NLK: variants seen among roughly 807,000 people sequenced by gnomAD.
NLK encodes the protein serine/threonine-protein kinase NLK.
NLK carries 11 observed loss-of-function variants against 59.0 expected under a neutral mutation model. The observed-to-expected ratio is 0.19, with a 90% CI of 0.12 to 0.31. NLK has a LOEUF of 0.31. Among genes scored for constraint, NLK ranks in the 10% least tolerant of loss-of-function variants. The pLI, the probability that NLK is intolerant of heterozygous loss-of-function variation, is 1.00. For missense variants in NLK, 410 were observed against 661.1 expected (o/e 0.62, Z 4.16); for synonymous variants, 235 against 235.9 (o/e 1.00, Z 0.03).
chr17:28,068,910 C>T (rs910504888), intron 1 of NLK, among the ~76,000 whole-genome samples: 11 of 152,276 alleles, frequency 7.2e-5, no homozygotes, highest in African/African-American at 2.6e-4. Context: ...AACTCCTGGG[C>T]TCAAGCGATC....
At chr17:28,203,622 C>T in the NLK span, among the ~76,000 whole-genome samples, 2 of 152,096 alleles carry the variant, frequency 1.3e-5, no homozygotes, top group Admixed American at 6.5e-5. Flanking sequence ...ATGCAACCTC[C>T]GCCTCCTGGG....
intron 6 of NLK, among the ~76,000 whole-genome samples, chr17:28,172,120 AATTT>A (rs775259166): frequency 7.9e-5 from 12 of 151,066 alleles, no homozygotes; most frequent in African/African-American, 9.7e-5. Flanking sequence ...TAATAACAGG[AATTT>A]ATTTAAATTC....
intron 1 of NLK, among the ~76,000 whole-genome samples, chr17:28,047,704 G>A (rs1597650599): frequency 6.6e-6 from 1 of 152,162 alleles, no homozygotes; most frequent in East Asian, 1.9e-4. Context: ...ATAAGCCCTT[G>A]TGCATGGTAG....
chr17:28,043,283 A>T lies in NLK; in HGVS notation c.410A>T (p.Asp137Val). The change falls in exon 1 of 11, where the codon GAT becomes GTT. Residue 137 changes from aspartate (D) to valine (V), a missense_variant. Coordinates refer to ENST00000407008, the MANE Select transcript of NLK (RefSeq NM_016231.5). ...TCGCATCATCCACAGCAGCAGCTGG[A>T]TATTGAGCCGGATAGACCTATTGGA... ...QHSHHPQQQL[D>V]IEPDRPIGYG... 1 of 1,610,654 alleles carries T rather than the reference A, an allele frequency of 6.2e-7. No homozygotes were observed. Among genetic ancestry groups the T allele is most frequent in the African/African-American group, 1.3e-5 (1 of 74,780 alleles).
chr17:28,047,224 G>A (rs1909089057), intron 1 of NLK, among the ~76,000 whole-genome samples: 1 of 152,136 alleles, frequency 6.6e-6, no homozygotes, highest in South Asian at 2.1e-4. Flanking sequence ...GTTATTGTTG[G>A]TAGAAAAATC....
At chr17:28,182,611 ACT>A (rs1230687920) in intron 7 of NLK, among the ~76,000 whole-genome samples, 1 of 152,182 alleles carries the variant, frequency 6.6e-6, no homozygotes, top group African/African-American at 2.4e-5. Flanking sequence ...TGCAAGTAAA[ACT>A]TCCTTCCAGT....
intron 3 of NLK, among the ~76,000 whole-genome samples, chr17:28,140,445 A>G (rs560202010): frequency 6.6e-6 from 1 of 152,324 alleles, no homozygotes; most frequent in South Asian, 2.1e-4. Context: ...TTTTACCACA[A>G]TTTTTAAAAA....
downstream of NLK, chr17:28,196,441 A>G (rs1191254046): frequency 1.3e-5 from 2 of 152,542 alleles, no homozygotes; most frequent in East Asian, 3.8e-4. Flanking sequence ...TACAGCTCGT[A>G]TCCTGACTTT....
intron 3 of NLK, among the ~76,000 whole-genome samples, chr17:28,143,352 A>T (rs1161374912): frequency 6.6e-6 from 1 of 151,972 alleles, no homozygotes; most frequent in Non-Finnish European, 1.5e-5. Context: ...AAAGATGAAA[A>T]CTTTTAAAAA....
intron 1 of NLK, among the ~76,000 whole-genome samples, chr17:28,098,916 A>G (rs554692693): frequency 1.3e-5 from 2 of 152,054 alleles, no homozygotes; most frequent in Non-Finnish European, 2.9e-5. Context: ...TCCCGACCTC[A>G]GGTGATTCAC....
chr17:28,045,980 T>C (rs1909038342), intron 1 of NLK, among the ~76,000 whole-genome samples: 1 of 152,228 alleles, frequency 6.6e-6, no homozygotes, highest in Non-Finnish European at 1.5e-5. Flanking sequence ...ATTCACTTAA[T>C]TCAAACATAT....
chr17:28,070,654 A>T (rs1319146848), intron 1 of NLK, among the ~76,000 whole-genome samples: 3 of 151,978 alleles, frequency 2.0e-5, no homozygotes. Flanking sequence ...CCCAGCCTGA[A>T]ATTAATTTTT....
rs1295446392 is a variant in NLK, at chr17:28,183,614, C to T, written c.1150-1565C>T. ...AAAGTGCTGGGATTACAAACGTAAG[C>T]CACCGCACCCAGCCTTAGCCTGTGA... On this transcript the variant is annotated intron_variant, in intron 7 of 10. Transcript: ENST00000407008. 2.0e-5 allele frequency among the ~76,000 whole-genome samples: 3 copies of T among 152,136 alleles called. No individual in the cohort carries two copies. In the South Asian group the frequency reaches 6.2e-4, roughly 32 times the overall value.
intron 3 of NLK, among the ~76,000 whole-genome samples, chr17:28,153,840 G>T (rs1043750982): frequency 6.6e-6 from 1 of 152,158 alleles, no homozygotes; most frequent in African/African-American, 2.4e-5. Context: ...TAGTGGAAAA[G>T]AAATTTTTGG....
At chr17:28,182,350 A>G (rs531198262) in intron 7 of NLK, among the ~76,000 whole-genome samples, 2 of 152,274 alleles carry the variant, frequency 1.3e-5, no homozygotes, top group South Asian at 4.1e-4. Context: ...CTTGATGTTA[A>G]TAGTTGTCCT....
At chr17:28,095,986 A>T (rs1597677432) in intron 1 of NLK, among the ~76,000 whole-genome samples, 1 of 152,184 alleles carries the variant, frequency 6.6e-6, no homozygotes, top group Non-Finnish European at 1.5e-5. Flanking sequence ...AAAAGTTCCC[A>T]TGCATTTCTC....
At chr17:28,098,579 A>G (rs1437443162) in intron 1 of NLK, among the ~76,000 whole-genome samples, 1 of 150,860 alleles carries the variant, frequency 6.6e-6, no homozygotes, top group Non-Finnish European at 1.5e-5. Context: ...TTTTAATTGG[A>G]TGGATATTTC....
chr17:28,082,097 T>G (rs939188323), intron 1 of NLK, among the ~76,000 whole-genome samples: 2 of 152,222 alleles, frequency 1.3e-5, no homozygotes, highest in African/African-American at 2.4e-5. Context: ...TTTTGCTATG[T>G]TGGCCATGCT....
At chr17:28,050,831 A>G (rs1301179524) in intron 1 of NLK, among the ~76,000 whole-genome samples, 6 of 152,160 alleles carry the variant, frequency 3.9e-5, no homozygotes, top group Admixed American at 3.9e-4. Context: ...AAGGCCGGCC[A>G]TGGTGGTTCA....
Sources: allele counts gnomAD v4.1 joint callset (sites outside exome capture counted in the v4.1 genomes callset), GRCh38; gene constraint gnomAD v4.1.1; transcripts MANE v1.5; gene names NCBI Gene and HGNC (gene_info 2026-07-23, HGNC 2026-07-21).